The following SOCS7 variants were observed in gnomAD, a reference collection of about 807,000 sequenced individuals.
SOCS7 encodes the protein NAP-4.
In SOCS7, 18 loss-of-function variants were observed where a neutral mutation model predicts 58.9. The observed-to-expected ratio is 0.31, with a 90% CI of 0.21 to 0.45. The LOEUF (loss-of-function observed/expected upper bound fraction) is 0.45. Among genes scored for constraint, SOCS7 ranks in the 20% least tolerant of loss-of-function variants. SOCS7 has a pLI of 1.00. For synonymous variants in SOCS7, 388 were observed against 364.3 expected (o/e 1.06, Z -0.74); for missense variants, 667 against 837.3 (o/e 0.80, Z 2.51).
At chr17:38,367,365 ATTTTGTT>A (rs887967131) in intron 5 of SOCS7, among the ~76,000 whole-genome samples, 8 of 147,720 alleles carry the variant, frequency 5.4e-5, no homozygotes, top group Non-Finnish European at 8.9e-5. Context: ...GCGCCCAGCC[ATTTTGTT>A]TTTTGTTTTT....
chr17:38,395,822 G>T, intron 8 of SOCS7, 26 bp from the exon 9 acceptor site: 2 of 1,604,656 alleles, frequency 1.2e-6, no homozygotes, highest in East Asian at 4.5e-5. Flanking sequence ...AACCTTTTGT[G>T]TATATCCGTC....
intron 7 of SOCS7, among the ~76,000 whole-genome samples, chr17:38,380,503 G>A (rs192442455): frequency 6.0e-4 from 91 of 151,866 alleles, no homozygotes; most frequent in African/African-American, 2.0e-3. Flanking sequence ...GGTGGTGCAC[G>A]CCTGTAATCC....
intron 2 of SOCS7, 44 bp downstream of exon 2, chr17:38,361,819 G>A (rs587767206): frequency 6.3e-5 from 90 of 1,423,204 alleles, no homozygotes; most frequent in Middle Eastern, 1.8e-4. Flanking sequence ...GAAAACAGGG[G>A]CGTTCTGAGA....
chr17:38,365,048 T>C (rs2037770987), intron 3 of SOCS7, among the ~76,000 whole-genome samples, 192 bp downstream of exon 3: 1 of 152,212 alleles, frequency 6.6e-6, no homozygotes, highest in African/African-American at 2.4e-5. Flanking sequence ...ATACTTACTA[T>C]ACATATATTA....
In SOCS7 at chr17:38,402,350, A is replaced by C. The variant is rs1450732558; in HGVS notation, c.*2868A>C. ...AGCCTGGTCAGAGAGTAAATGGAGC[A>C]GAGGAGCAGGTGTGGCAGCACCTGC... On this transcript the variant is annotated 3_prime_UTR_variant, in exon 10 of 10. Coordinates refer to ENST00000612932, the MANE Select transcript of SOCS7 (RefSeq NM_014598.4). The C allele has an allele frequency of 6.6e-6, 1 of 152,492 alleles. No individual in the cohort carries two copies. Among genetic ancestry groups the C allele is most frequent in the East Asian group, 1.9e-4 (1 of 5,210 alleles). 9.4% of individuals were successfully genotyped at this position (152,492 alleles called of 1,614,324 possible).
intron 7 of SOCS7, among the ~76,000 whole-genome samples, chr17:38,384,734 A>G (rs1393582315): frequency 1.3e-5 from 2 of 151,950 alleles, no homozygotes; most frequent in East Asian, 1.9e-4. Flanking sequence ...CTGGGATTAC[A>G]GGCACACACC....
intron 2 of SOCS7, 102 bp from the exon 3 acceptor site, chr17:38,364,650 C>A: frequency 2.3e-6 from 2 of 881,132 alleles, no homozygotes; most frequent in Non-Finnish European, 3.8e-6. Flanking sequence ...CTGAGAGCAG[C>A]AGACCCCCAG....
intron 9 of SOCS7, among the ~76,000 whole-genome samples, chr17:38,397,411 C>T (rs760177282): frequency 1.3e-5 from 2 of 152,182 alleles, no homozygotes; most frequent in South Asian, 2.1e-4. Flanking sequence ...GGCTCCCTGC[C>T]GGCCTGTTCC....
intron 6 of SOCS7, among the ~76,000 whole-genome samples, chr17:38,370,783 T>C (rs2037853006): frequency 6.6e-6 from 1 of 151,894 alleles, no homozygotes; most frequent in Non-Finnish European, 1.5e-5. Flanking sequence ...CCCAAGTTGC[T>C]GGGACTATAG....
In SOCS7 at chr17:38,352,430, T is replaced by C; in HGVS notation, c.378T>C (p.Ala126=). The C allele has an allele frequency of 1.4e-6, 2 of 1,455,536 alleles. No individual in the cohort carries two copies. The highest frequency in any genetic ancestry group is 1.4e-5 in the South Asian group (1 of 69,618). 90.2% of individuals were successfully genotyped at this position (1,455,536 alleles called of 1,614,324 possible). ...PAAGLEAQLA[A]LGLGQPAGPG... ...CTGGACTAGAGGCGCAGTTGGCGGC[T>C]CTGGGGCTCGGGCAGCCGGCGGGGC... is the stretch of plus-strand genomic sequence containing the variant. Residue 126 remains alanine (A), a synonymous_variant, in exon 1 of 10, where the codon GCT becomes GCC. Transcript: ENST00000612932. This position sits in a 1 kb window ranked among gnomAD's most constrained non-coding sequence, Gnocchi z 5.5.
Position 38,361,755 on chromosome 17 carries a change from C to T in SOCS7, c.1025C>T (p.Ser342Phe). 1 of 1,613,132 alleles carries T rather than the reference C, an allele frequency of 6.2e-7. No homozygotes were observed. The highest frequency in any genetic ancestry group is 1.1e-5 in the South Asian group (1 of 90,994). ...TRTQSAFSPV[S>F]FSPLFTGETV... is the part of the protein sequence containing the mutation. ...ACTCAAAGTGCCTTTTCTCCGGTCT[C>T]CTTCAGCCCCCTGTTCACAGGTAAG... is the stretch of plus-strand genomic sequence containing the variant. The change falls in exon 2 of 10, where the codon TCC becomes TTC. Residue 342 changes from serine to phenylalanine, a missense_variant. Transcript: ENST00000612932.
In SOCS7 at chr17:38,379,979, G is replaced by C. The variant is rs140748154; in HGVS notation, c.1681+2137G>C. On this transcript the variant is annotated intron_variant, in intron 7 of 9. Coordinates refer to ENST00000612932, the MANE Select transcript of SOCS7 (RefSeq NM_014598.4). ...AAGGTCAGAGCACATGTTCAAGTCA[G>C]TATAAAGCATGTGGTGGTAACCAGC... Among the ~76,000 whole-genome samples the C allele has an allele frequency of 8.2e-4, 125 of 152,324 alleles. 1 individual carries two copies. The East Asian group carries it at 0.023, about 28-fold the overall frequency.
At chr17:38,370,682 C>G (rs558715207) in intron 6 of SOCS7, among the ~76,000 whole-genome samples, 1 of 149,928 alleles carries the variant, frequency 6.7e-6, no homozygotes, top group African/African-American at 2.5e-5. Flanking sequence ...CAGAGTCTTG[C>G]TCCATCGCCC....
chr17:38,405,136 A>G lies in SOCS7; in HGVS notation c.*5654A>G, dbSNP rs1201571929. 1 of 148,944 alleles carries G rather than the reference A, an allele frequency of 6.7e-6. No individual in the cohort carries two copies. The highest frequency in any genetic ancestry group is 1.5e-5 in the Non-Finnish European group (1 of 67,176). 9.2% of individuals were successfully genotyped at this position (148,944 alleles called of 1,614,324 possible). On this transcript the variant is annotated 3_prime_UTR_variant, in exon 10 of 10. Transcript: ENST00000612932. ...CCTTTTGTGCTTAATTTATTAAAAT[A>G]GTTGCTGTATAATTTATTTTCATAA...
At chr17:38,395,780 A>G (rs1567753787) in intron 8 of SOCS7, 68 bp from the exon 9 acceptor site, 2 of 1,498,492 alleles carry the variant, frequency 1.3e-6, no homozygotes, top group Non-Finnish European at 1.8e-6. Context: ...AGAGTTGAAC[A>G]AAGGAGTTAC....
In SOCS7 at chr17:38,389,897, A is replaced by ATATATATATATG. The variant is rs1400191697; in HGVS notation, c.1682-5410_1682-5409insTATATATATGTA. ...TATATATATATGTACATATATATATATACACATATAGAGAGAGAGAGAGAG... is the reference window on the plus strand; with the variant it reads ...TATATATATATGTACATATATATATATATATATATATGTACACATATAGAGAGAGAGAGAGAG... On this transcript the variant is annotated intron_variant, in intron 7 of 9. Transcript: ENST00000612932. Among the ~76,000 whole-genome samples, 192 of 77,336 alleles carry ATATATATATATG rather than the reference A, an allele frequency of 2.5e-3. 8 individuals carry two copies. Among genetic ancestry groups the ATATATATATATG allele is most frequent in the Non-Finnish European group, 2.9e-3 (131 of 44,860 alleles). The allele number at this position is 77,336 out of a possible 152,430, so 50.7% of individuals were successfully genotyped here.
intron 7 of SOCS7, among the ~76,000 whole-genome samples, chr17:38,389,906 T>TATATATATAGAGAG (rs1555571102): frequency 9.7e-6 from 1 of 103,472 alleles, no homozygotes; most frequent in African/African-American, 4.7e-5. Flanking sequence ...TATACACATA[T>TATATATATAGAGAG]AGAGAGAGAG....
At chr17:38,390,590 T>G (rs1197022479) in intron 7 of SOCS7, among the ~76,000 whole-genome samples, 4 of 152,170 alleles carry the variant, frequency 2.6e-5, no homozygotes, top group Non-Finnish European at 5.9e-5. Context: ...CTTATTTAGG[T>G]CTTTTTAAAA....
intron 1 of SOCS7, among the ~76,000 whole-genome samples, chr17:38,354,304 T>C (rs1286294970): frequency 6.6e-6 from 1 of 152,206 alleles, no homozygotes; most frequent in Non-Finnish European, 1.5e-5. Flanking sequence ...ATTGATAACC[T>C]TACTGTGAAC....
Sources: allele counts gnomAD v4.1 joint callset (sites outside exome capture counted in the v4.1 genomes callset), GRCh38; gene constraint gnomAD v4.1.1; non-coding constraint Gnocchi (gnomAD v3.1); transcripts MANE v1.5; gene names NCBI Gene and HGNC (gene_info 2026-07-23, HGNC 2026-07-21).